Variants in PI4KA observed in about 807,000 individuals in gnomAD.
PI4KA encodes the protein PI4-kinase alpha.
In PI4KA, 122 loss-of-function variants were observed where a neutral mutation model predicts 271.4. The observed-to-expected ratio is 0.45, with a 90% CI of 0.39 to 0.52. The LOEUF is 0.52. Among genes scored for constraint, PI4KA ranks in the 20% least tolerant of loss-of-function variants. The probability of loss-of-function intolerance (pLI) is 0.00; values close to 1 mark genes in which losing one functional copy is unlikely to be tolerated. For missense variants in PI4KA, 1,969 were observed against 2,769.1 expected (o/e 0.71, Z 6.48); for synonymous variants, 1,041 against 1,078.8 (o/e 0.96, Z 0.69).
intron 19 of PI4KA, among the ~76,000 whole-genome samples, chr22:20,781,017 G>C (rs1933757792): frequency 6.6e-6 from 1 of 152,148 alleles, no homozygotes; most frequent in South Asian, 2.1e-4. Flanking sequence ...TATTCAGCTT[G>C]AGCAGCTGAC....
At chr22:20,800,831 G>A (rs1287473000) in intron 14 of PI4KA, among the ~76,000 whole-genome samples, 10 of 147,114 alleles carry the variant, frequency 6.8e-5, no homozygotes, top group Middle Eastern at 3.4e-3. Flanking sequence ...CTGAGATCGC[G>A]CCACTGCACT....
In PI4KA at chr22:20,710,853, CAA is replaced by C; in HGVS notation, c.5927_5928del (p.Phe1976TrpfsTer5). On this transcript the variant is annotated frameshift_variant, in exon 52 of 55. Coordinates refer to ENST00000255882, the MANE Select transcript of PI4KA (RefSeq NM_058004.4). LOFTEE classifies it high-confidence loss of function. ...CCCGGCGAGCTTTCAAACATGAAGCCAAAGTCTGCAAAACCCCAAAGAGCTGC... is the reference window on the plus strand; with the variant it reads ...CCCGGCGAGCTTTCAAACATGAAGCCAGTCTGCAAAACCCCAAAGAGCTGC... ...DKKGHIIHID[F>X]GFMFESSPGG... The C allele has an allele frequency of 6.2e-7, 1 of 1,611,538 alleles. No individual in the cohort carries two copies. Among genetic ancestry groups the C allele is most frequent in the Non-Finnish European group, 8.5e-7 (1 of 1,179,080 alleles).
At chr22:20,767,566 GA>G (rs1932647291) in intron 19 of PI4KA, among the ~76,000 whole-genome samples, 1 of 151,886 alleles carries the variant, frequency 6.6e-6, no homozygotes, top group African/African-American at 2.4e-5. Flanking sequence ...AGGCTCAAGT[GA>G]TCCTCCCACC....
Position 20,801,988 on chromosome 22 carries a change from A to G in PI4KA, c.1709T>C (p.Ile570Thr). 6.2e-7 allele frequency: 1 copy of G among 1,614,120 alleles called. No individual in the cohort carries two copies. Among genetic ancestry groups the G allele is most frequent in the East Asian group, 2.2e-5 (1 of 44,880 alleles). The change falls in exon 14 of 55, where the codon ATT (isoleucine) becomes ACT (threonine). Residue 570 changes from isoleucine to threonine, a missense_variant. Ile to Thr is a moderately conservative substitution (Grantham distance 89). Transcript: ENST00000255882. The stretch of plus-strand genomic sequence containing the variant: ...AGCTTCCCACCTGCAGATGTTGTCA[A>G]TAGCGATGTCTCGGAGCTGCTCGTA... ...SMYEQLRDIA[I>T]DNICRCLKAG...
chr22:20,849,989 C>G (rs1356404186), intron 1 of PI4KA, among the ~76,000 whole-genome samples: 1 of 152,252 alleles, frequency 6.6e-6, no homozygotes, highest in East Asian at 1.9e-4. Context: ...GCTGGTAGGG[C>G]TGCAGGGTAA....
chr22:20,786,153 C>T, intron 19 of PI4KA: 2 of 1,613,988 alleles, frequency 1.2e-6, no homozygotes, highest in Middle Eastern at 1.7e-4. Flanking sequence ...GACCTGGTAA[C>T]CACTCCCTTG....
chr22:20,787,746 G>A (rs1357828372), intron 19 of PI4KA: 1 of 154,022 alleles, frequency 6.5e-6, no homozygotes, highest in Non-Finnish European at 1.4e-5. Context: ...TCTATTTTTT[G>A]AAGCTCAAAT....
chr22:20,717,750 T>C lies in PI4KA; in HGVS notation c.5275A>G (p.Lys1759Glu). 2 of 1,578,296 alleles carry C rather than the reference T, an allele frequency of 1.3e-6. No individual in the cohort carries two copies. The highest frequency in any genetic ancestry group is 3.3e-4 in the Middle Eastern group (2 of 6,014). ...TCAGACAGGGCCGACAGACAAGCCTTCTTTCTCTCGTCGCCTTTAGGGTAG... is the reference window on the plus strand; with the variant it reads ...TCAGACAGGGCCGACAGACAAGCCTCCTTTCTCTCGTCGCCTTTAGGGTAG... Reference protein sequence around the residue: ...KPYPKGDERKKACLSALSEVK... With the variant: ...KPYPKGDERKEACLSALSEVK... Residue 1759 changes from lysine (K) to glutamate (E), a missense_variant, in exon 45 of 55, where the codon AAG becomes GAG. Lys to Glu is a moderately conservative substitution (Grantham distance 56). Coordinates refer to ENST00000255882, the MANE Select transcript of PI4KA (RefSeq NM_058004.4).
rs1298366289 is a variant in PI4KA at position 20,746,156 on chromosome 22, G to A, written c.3363+1427C>T. On this transcript the variant is annotated intron_variant, in intron 29 of 54. Coordinates refer to ENST00000255882, the MANE Select transcript of PI4KA (RefSeq NM_058004.4). ...CGGCTCACTGCAAGCTCCGCCTCCC[G>A]GGTTCACACCATTCTCCTGCCTCAG... 6.1e-5 allele frequency among the ~76,000 whole-genome samples: 9 copies of A among 146,658 alleles called. No homozygotes were observed. In the South Asian group the frequency reaches 1.1e-3, roughly 18 times the overall value.
At chr22:20,856,169 C>T (rs946849778) in intron 1 of PI4KA, among the ~76,000 whole-genome samples, 1 of 152,050 alleles carries the variant, frequency 6.6e-6, no homozygotes, top group African/African-American at 2.4e-5. Flanking sequence ...AAAATTTGCC[C>T]GGGGTGGTGG....
intron 23 of PI4KA, among the ~76,000 whole-genome samples, chr22:20,755,162 C>T (rs934631470): frequency 6.6e-6 from 1 of 152,070 alleles, no homozygotes; most frequent in African/African-American, 2.4e-5. Context: ...TTTATTTATT[C>T]GGTAGTCTAA....
intron 22 of PI4KA, 29 bp downstream of exon 22, chr22:20,764,782 GATGTGC>G (rs772565462): frequency 1.3e-6 from 2 of 1,560,942 alleles, no homozygotes; most frequent in African/African-American, 2.7e-5. Flanking sequence ...CTCAAATGTG[GATGTGC>G]ATGTGCATGG....
At chr22:20,844,253 T>G (rs178061) in intron 1 of PI4KA, among the ~76,000 whole-genome samples, 58,997 of 152,038 alleles carry the variant, frequency 0.39, 12,067 homozygotes, top group African/African-American at 0.5. Context: ...TAACAACTAC[T>G]TAATGGGACT....
chr22:20,806,197 T>C (rs1601539363), intron 10 of PI4KA, among the ~76,000 whole-genome samples: 1 of 152,300 alleles, frequency 6.6e-6, no homozygotes, highest in East Asian at 1.9e-4. Context: ...GACAAAATAT[T>C]ATGTGCTCAT....
At position 20,742,298 on chromosome 22, in the gene PI4KA, T is replaced by G. The variant is rs1475506962; in HGVS notation, c.3671A>C (p.Glu1224Ala). 1.2e-6 allele frequency: 2 copies of G among 1,614,134 alleles called. No homozygotes were observed. The highest frequency in any genetic ancestry group is 2.2e-5 in the East Asian group (1 of 44,884). The part of the protein sequence containing the change: ...LCWGPLRMFN[E>A]HGMETALACW... ...GGCCAGGGCCGTCTCCATGCCATGC[T>G]CATTGAACATCCGGAGGGGACCCCA... Residue 1224 changes from glutamate to alanine, a missense_variant, in exon 32 of 55, where the codon GAG becomes GCG. This residue lies in a region of PI4KA where 203 missense variants were observed against 256.8 expected (regional missense o/e 0.79). Coordinates refer to ENST00000255882, the MANE Select transcript of PI4KA (RefSeq NM_058004.4).
Position 20,796,334 on chromosome 22 carries a change from A to G in PI4KA, c.2109-20T>C, listed in dbSNP as rs374617406. ...CAATGCCTGAAGAAGAAGGAGTGAA[A>G]TAACAGCCACTGCCAGGCCCTCAAC... is the stretch of plus-strand genomic sequence containing the variant. On this transcript the variant is annotated intron_variant, in intron 17 of 54. Transcript: ENST00000255882. 4.4e-6 allele frequency: 7 copies of G among 1,606,000 alleles called. No individual in the cohort carries two copies. Among genetic ancestry groups the G allele is most frequent in the African/African-American group, 4.0e-5 (3 of 74,772 alleles).
intron 3 of PI4KA, among the ~76,000 whole-genome samples, chr22:20,833,200 G>T (rs571327675): frequency 2.4e-4 from 36 of 152,194 alleles, no homozygotes; most frequent in African/African-American, 8.2e-4. Flanking sequence ...CAACACTGGG[G>T]GGCTGGTATT....
Position 20,745,067 on chromosome 22 carries a change from C to T in PI4KA, c.3364-347G>A, listed in dbSNP as rs1264788501. Among the ~76,000 whole-genome samples the T allele has an allele frequency of 2.0e-5, 3 of 152,178 alleles. No individual in the cohort carries two copies. The East Asian group carries it at 5.8e-4, about 29-fold the overall frequency. On this transcript the variant is annotated intron_variant, in intron 29 of 54. Transcript: ENST00000255882. ...GTCTCCTTGAGAGTTGCGTGTGCAG[C>T]TTATAAATGTCACTTACAGACCGTA...
intron 42 of PI4KA, among the ~76,000 whole-genome samples, chr22:20,724,872 CA>C (rs1185200677): frequency 3.3e-5 from 5 of 152,116 alleles, no homozygotes; most frequent in South Asian, 2.1e-4. Context: ...GGAGGGGAGC[CA>C]GGGGGAAGGA....
Sources: gnomAD v4.1 joint callset for allele counts (sites outside exome capture counted in the v4.1 genomes callset) on GRCh38, gnomAD v4.1.1 for gene constraint, gnomAD v4.1.1 regional missense constraint, MANE v1.5 for transcripts, NCBI Gene and HGNC (gene_info 2026-07-23, HGNC 2026-07-21) for gene names.